The following FNDC3B variants were observed in gnomAD, a reference collection of about 807,000 sequenced individuals.
The protein encoded by FNDC3B is fibronectin type III domain-containing protein 3B.
A neutral mutation model predicts 151.5 loss-of-function variants in FNDC3B; 12 were observed. The observed-to-expected ratio is 0.08, with a 90% confidence interval of 0.05 to 0.13. The LOEUF is 0.13. FNDC3B is among the 10% of genes least tolerant of loss of function. The probability of loss-of-function intolerance (pLI) is 1.00; values close to 1 mark genes in which losing one functional copy is unlikely to be tolerated. For synonymous variants in FNDC3B, 528 were observed against 549.0 expected (o/e 0.96, Z 0.54); for missense variants, 1,214 against 1,505.3 (o/e 0.81, Z 3.20).
intron 18 of FNDC3B, 21 bp from the exon 19 acceptor site, chr3:172,344,064 GA>G (rs1733479466): frequency 2.5e-6 from 4 of 1,597,628 alleles, no homozygotes; most frequent in Non-Finnish European, 2.6e-6. Flanking sequence ...GTTCTAAGAT[GA>G]AAAAAATTCT....
At chr3:172,290,974 A>G (rs1730294976) in intron 7 of FNDC3B, among the ~76,000 whole-genome samples, 1 of 152,216 alleles carries the variant, frequency 6.6e-6, no homozygotes, top group South Asian at 2.1e-4. Flanking sequence ...TTTAGAAGCT[A>G]CCAATGTACA....
chr3:172,369,819 AG>A (rs1319731143), intron 23 of FNDC3B, among the ~76,000 whole-genome samples: 1 of 152,202 alleles, frequency 6.6e-6, no homozygotes, highest in Non-Finnish European at 1.5e-5. Flanking sequence ...TGTTCTTGGC[AG>A]AGTGAGGGCG....
chr3:172,133,593 A>T (rs1576895255), intron 3 of FNDC3B, 47 bp downstream of exon 3: 8 of 1,330,828 alleles, frequency 6.0e-6, no homozygotes, highest in Non-Finnish European at 8.7e-6. Context: ...TTTTTTCTTT[A>T]TTTGAAGGAA....
At chr3:172,088,880 G>A (rs1336784431) in intron 1 of FNDC3B, among the ~76,000 whole-genome samples, 1 of 152,136 alleles carries the variant, frequency 6.6e-6, no homozygotes, top group Non-Finnish European at 1.5e-5. Context: ...TGATTAGCTT[G>A]TACAAAAGCT....
At chr3:172,310,633 G>A (rs1408176058) in intron 10 of FNDC3B, among the ~76,000 whole-genome samples, 195 bp from the exon 11 acceptor site, 1 of 152,228 alleles carries the variant, frequency 6.6e-6, no homozygotes, top group Non-Finnish European at 1.5e-5. Context: ...TCATAGTGGG[G>A]ACTCTCTCTA....
intron 7 of FNDC3B, 27 bp downstream of exon 7, chr3:172,286,011 A>G (rs374537126): frequency 8.8e-5 from 137 of 1,561,542 alleles, no homozygotes; most frequent in Non-Finnish European, 1.2e-4. Flanking sequence ...TCTCAGCATA[A>G]ATGACACTTT....
At chr3:172,294,557 C>T (rs1730496466) in intron 7 of FNDC3B, among the ~76,000 whole-genome samples, 2 of 152,204 alleles carry the variant, frequency 1.3e-5, no homozygotes, top group African/African-American at 4.8e-5. Flanking sequence ...ACCAGGCCCT[C>T]CTCCAAGATT....
chr3:172,378,664 A>G (rs1021177583), intron 24 of FNDC3B, among the ~76,000 whole-genome samples: 10 of 152,228 alleles, frequency 6.6e-5, no homozygotes, highest in African/African-American at 2.4e-4. Context: ...TTTATCAAAA[A>G]TAATGGTTAG....
intron 1 of FNDC3B, among the ~76,000 whole-genome samples, chr3:172,063,872 T>C (rs1430541153): frequency 1.3e-5 from 2 of 152,148 alleles, no homozygotes; most frequent in Non-Finnish European, 2.9e-5. Flanking sequence ...ACCAAATTTA[T>C]TTATATGTTG....
Position 172,168,667 on chromosome 3 carries a change from T to C in FNDC3B, c.187+35121T>C, listed in dbSNP as rs1254184445. Among the ~76,000 whole-genome samples, 4 of 152,100 alleles carry C rather than the reference T, an allele frequency of 2.6e-5. No individual in the cohort carries two copies. In the South Asian group the frequency reaches 8.3e-4, roughly 31 times the overall value. ...TATATATCTATGCTTTTAAAGTTTCTATCATGTCTGTGTGATGGAAATACT... is the reference window on the plus strand; with the variant it reads ...TATATATCTATGCTTTTAAAGTTTCCATCATGTCTGTGTGATGGAAATACT... On this transcript the variant is annotated intron_variant, in intron 3 of 25. Transcript: ENST00000415807.
intron 4 of FNDC3B, among the ~76,000 whole-genome samples, chr3:172,231,305 G>T (rs1254350118): frequency 1.3e-5 from 2 of 152,194 alleles, no homozygotes; most frequent in African/African-American, 4.8e-5. Flanking sequence ...TTGGGGGGAA[G>T]GAGTTAATGG....
chr3:172,210,648 GC>G (rs1725689972), intron 3 of FNDC3B, among the ~76,000 whole-genome samples: 1 of 152,090 alleles, frequency 6.6e-6, no homozygotes, highest in African/African-American at 2.4e-5. Context: ...GAGTCACCGT[GC>G]CTGGCAAAAT....
At chr3:172,150,945 G>T (rs953700783) in intron 3 of FNDC3B, among the ~76,000 whole-genome samples, 5 of 151,376 alleles carry the variant, frequency 3.3e-5, no homozygotes, top group African/African-American at 7.3e-5. Context: ...ATCTACATAG[G>T]TTTTTTTTCT....
intron 1 of FNDC3B, among the ~76,000 whole-genome samples, chr3:172,073,883 A>AG (rs1051194789): frequency 3.9e-5 from 6 of 151,946 alleles, no homozygotes; most frequent in African/African-American, 1.4e-4. Context: ...AAAAAAAAAA[A>AG]GTAACACTTT....
intron 1 of FNDC3B, among the ~76,000 whole-genome samples, chr3:172,057,982 T>C (rs546321431): frequency 6.6e-6 from 1 of 152,204 alleles, no homozygotes; most frequent in African/African-American, 2.4e-5. Flanking sequence ...TTTTAAAAAC[T>C]TGAAATTCTG....
chr3:172,266,858 C>G (rs964334397), intron 6 of FNDC3B, among the ~76,000 whole-genome samples: 1 of 152,218 alleles, frequency 6.6e-6, no homozygotes, highest in African/African-American at 2.4e-5. Flanking sequence ...TCTCCAAAGA[C>G]TATTCCTTGC....
chr3:172,289,472 C>T (rs1730205617), intron 7 of FNDC3B, among the ~76,000 whole-genome samples: 1 of 152,190 alleles, frequency 6.6e-6, no homozygotes, highest in African/African-American at 2.4e-5. Context: ...GGACCTACCA[C>T]ACTCCCCTTC....
chr3:172,385,600 C>T (rs544236411), intron 25 of FNDC3B, among the ~76,000 whole-genome samples: 1 of 151,520 alleles, frequency 6.6e-6, no homozygotes, highest in East Asian at 1.9e-4. Context: ...ACTCTGTCGC[C>T]CAGGCTGGAG....
intron 1 of FNDC3B, among the ~76,000 whole-genome samples, chr3:172,106,839 G>A (rs1281918106): frequency 6.6e-6 from 1 of 152,180 alleles, no homozygotes; most frequent in Non-Finnish European, 1.5e-5. Flanking sequence ...ACTTGGAGAA[G>A]AGGAAGCAAA....
Sources: allele counts gnomAD v4.1 joint callset (sites outside exome capture counted in the v4.1 genomes callset), GRCh38; gene constraint gnomAD v4.1.1; transcripts MANE v1.5; gene names NCBI Gene and HGNC (gene_info 2026-07-23, HGNC 2026-07-21).